MXI1: variants seen among roughly 807,000 people sequenced by gnomAD.
MXI1 encodes the protein max-interacting protein 1.
MXI1 carries 18 observed loss-of-function variants against 36.9 expected under a neutral mutation model. The ratio of observed to expected loss-of-function variants is 0.49; its 90% CI spans 0.34 to 0.72. The LOEUF (loss-of-function observed/expected upper bound fraction) is 0.72, where lower values mean the gene tolerates loss of function less well. MXI1 is among the 30% of genes least tolerant of loss of function. The pLI is 0.01. For synonymous variants in MXI1, 160 were observed against 146.7 expected, an observed-to-expected ratio of 1.09 and a Z score of -0.65; for missense variants, 304 against 379.1, an observed-to-expected ratio of 0.80 and a Z score of 1.64.
chr10:110,207,739 T>TGGG lies in MXI1; in HGVS notation c.-67_-65dup. 3.8e-6 allele frequency: 4 copies of TGGG among 1,050,950 alleles called. No homozygotes were observed. Among genetic ancestry groups the TGGG allele is most frequent in the Non-Finnish European group, 4.6e-6 (4 of 861,352 alleles). 65.1% of individuals were successfully genotyped at this position (1,050,950 alleles called of 1,614,324 possible). A position where few individuals can be genotyped will look rare whatever the true frequency, so the allele number is the denominator to read the frequency against. ...TCTGCTCCAGCCGGCCGGGTCTCCC[T>TGGG]GGGGGCCCGGAGCTCGGCCGGGCCG... is the stretch of plus-strand genomic sequence containing the variant. On this transcript the variant is annotated 5_prime_UTR_variant, in exon 1 of 6. Coordinates refer to ENST00000332674, the MANE Select transcript of MXI1 (RefSeq NM_130439.3).
intron 1 of MXI1, among the ~76,000 whole-genome samples, chr10:110,218,850 A>T (rs192894130): frequency 6.6e-6 from 1 of 152,320 alleles, no homozygotes; most frequent in African/African-American, 2.4e-5. Context: ...TCTGCCAGGG[A>T]AGCCAGAGGA....
intron 3 of MXI1, among the ~76,000 whole-genome samples, chr10:110,267,720 TAAAG>T (rs1452526316): frequency 6.6e-6 from 1 of 152,192 alleles, no homozygotes; most frequent in Non-Finnish European, 1.5e-5. Flanking sequence ...GAATTTTTCT[TAAAG>T]AAGCAATTTG....
At chr10:110,272,133 C>T (rs1185852939) in intron 3 of MXI1, among the ~76,000 whole-genome samples, 1 of 152,182 alleles carries the variant, frequency 6.6e-6, no homozygotes, top group Non-Finnish European at 1.5e-5. Context: ...ACAGGTTGAG[C>T]ATCCCAAGTC....
In MXI1 at chr10:110,213,434, G is replaced by A. The variant is rs139607944; in HGVS notation, c.274+5352G>A. ...GAGTAGGGTATTTGTCTTTAGTGGA[G>A]TTATGTGAAGAGCATTCTTAAATCA... On this transcript the variant is annotated intron_variant, in intron 1 of 5. Coordinates refer to ENST00000332674, the MANE Select transcript of MXI1 (RefSeq NM_130439.3). 2.5e-3 allele frequency among the ~76,000 whole-genome samples: 381 copies of A among 152,318 alleles called. 11 individuals carry two copies. The East Asian group carries it at 0.047, about 19-fold the overall frequency.
At chr10:110,257,894 GAA>G (rs938761163) in intron 3 of MXI1, 39 of 233,716 alleles carry the variant, frequency 1.7e-4, no homozygotes, top group South Asian at 7.1e-4. Flanking sequence ...AAACCCTCTG[GAA>G]AAAAAAATAA....
At position 110,284,805 on chromosome 10, in the gene MXI1, T is replaced by C. The variant is rs757523467; in HGVS notation, c.725-19T>C. The C allele has an allele frequency of 3.2e-5, 50 of 1,581,944 alleles. No individual in the cohort carries two copies. Among genetic ancestry groups the C allele is most frequent in the Non-Finnish European group, 4.1e-5 (48 of 1,169,202 alleles). ...TACTCGATAATTAATGTTCTTCTTT[T>C]TTTTTTTTCCTTTGGCAGAGGAGAT... On this transcript the variant is annotated intron_variant, in intron 5 of 5. Coordinates refer to ENST00000332674, the MANE Select transcript of MXI1 (RefSeq NM_130439.3).
intron 3 of MXI1, 162 bp downstream of exon 3, chr10:110,245,019 T>G: frequency 1.4e-6 from 1 of 692,346 alleles, no homozygotes; most frequent in South Asian, 2.5e-5. Context: ...AAAAAATGAT[T>G]TAATAGTAAG....
chr10:110,216,130 T>C (rs1167916347), intron 1 of MXI1, among the ~76,000 whole-genome samples: 3 of 152,364 alleles, frequency 2.0e-5, no homozygotes, highest in South Asian at 4.1e-4. Context: ...TTGGCAGAAG[T>C]GTGCTGGGCC....
intron 5 of MXI1, among the ~76,000 whole-genome samples, chr10:110,280,751 C>T (rs193274962): frequency 2.4e-4 from 37 of 151,604 alleles, no homozygotes; most frequent in African/African-American, 7.3e-4. Context: ...TACACGATGT[C>T]GAAGTTTTTA....
chr10:110,271,535 C>A (rs1405315432), intron 3 of MXI1, among the ~76,000 whole-genome samples: 1 of 152,112 alleles, frequency 6.6e-6, no homozygotes, highest in Non-Finnish European at 1.5e-5. Context: ...AATTGTTTGG[C>A]CATGGCCTGA....
At chr10:110,280,263 T>C (rs1857186137) in intron 5 of MXI1, among the ~76,000 whole-genome samples, 178 bp downstream of exon 5, 1 of 151,770 alleles carries the variant, frequency 6.6e-6, no homozygotes, top group Non-Finnish European at 1.5e-5. Context: ...AAACTTTTTG[T>C]TTTTTCCTTG....
At chr10:110,269,134 C>G (rs1468523109) in intron 3 of MXI1, among the ~76,000 whole-genome samples, 1 of 152,178 alleles carries the variant, frequency 6.6e-6, no homozygotes, top group Non-Finnish European at 1.5e-5. Flanking sequence ...CCAGCAATGC[C>G]AAACCATTTG....
intron 3 of MXI1, among the ~76,000 whole-genome samples, chr10:110,277,805 C>T (rs895176784): frequency 1.3e-5 from 2 of 152,208 alleles, no homozygotes; most frequent in Non-Finnish European, 2.9e-5. Context: ...AGCCAAACCT[C>T]TGACCTCACT....
chr10:110,240,378 T>G (rs1855628044), intron 2 of MXI1, among the ~76,000 whole-genome samples: 1 of 152,100 alleles, frequency 6.6e-6, no homozygotes. Flanking sequence ...TTGTGCATCC[T>G]GTTTAGATAC....
chr10:110,271,522 A>G (rs1302629254), intron 3 of MXI1, among the ~76,000 whole-genome samples: 1 of 152,210 alleles, frequency 6.6e-6, no homozygotes, highest in Non-Finnish European at 1.5e-5. Flanking sequence ...ATCTTGTGGA[A>G]GAAATTGTTT....
At chr10:110,236,922 G>T (rs1161713055) in intron 2 of MXI1, among the ~76,000 whole-genome samples, 1 of 152,040 alleles carries the variant, frequency 6.6e-6, no homozygotes, top group African/African-American at 2.4e-5. Flanking sequence ...AATAGACATG[G>T]TATGTCTATT....
intron 3 of MXI1, among the ~76,000 whole-genome samples, chr10:110,253,239 TG>T (rs1321178394): frequency 6.6e-6 from 1 of 152,132 alleles, no homozygotes; most frequent in East Asian, 1.9e-4. Flanking sequence ...TCCAATTGTT[TG>T]GACACGATAA....
At chr10:110,267,269 C>G (rs1398416546) in intron 3 of MXI1, among the ~76,000 whole-genome samples, 2 of 152,098 alleles carry the variant, frequency 1.3e-5, no homozygotes, top group South Asian at 2.1e-4. Flanking sequence ...AAAATCAAAC[C>G]AAGTTTAGAT....
chr10:110,247,908 T>C (rs1855931420), intron 3 of MXI1, among the ~76,000 whole-genome samples: 1 of 152,164 alleles, frequency 6.6e-6, no homozygotes, highest in South Asian at 2.1e-4. Context: ...ATGTTTATTG[T>C]GGCACTATTC....
Sources: gnomAD v4.1 joint callset for allele counts (sites outside exome capture counted in the v4.1 genomes callset) on GRCh38, gnomAD v4.1.1 for gene constraint, MANE v1.5 for transcripts, NCBI Gene and HGNC (gene_info 2026-07-23, HGNC 2026-07-21) for gene names.